The following MKX variants were observed in gnomAD, a reference collection of about 807,000 sequenced individuals.
The protein encoded by MKX is homeobox protein Mohawk.
Under a neutral mutation model 36.0 loss-of-function variants are expected in MKX, and 13 were observed. That is an observed-to-expected ratio of 0.36 (90% CI 0.24 to 0.57). MKX has a LOEUF of 0.57. Ranked by LOEUF, MKX falls within the 20% of genes least tolerant of loss-of-function variation. The probability of loss-of-function intolerance (pLI) is 0.79; values close to 1 mark genes in which losing one functional copy is unlikely to be tolerated. For synonymous variants in MKX, 176 were observed against 178.3 expected (o/e 0.99, Z 0.10); for missense variants, 458 against 456.4 (o/e 1.00, Z -0.03).
At chr10:27,697,254 C>A (rs1836571631) in intron 5 of MKX, among the ~76,000 whole-genome samples, 1 of 152,130 alleles carries the variant, frequency 6.6e-6, no homozygotes, top group Non-Finnish European at 1.5e-5. Context: ...AATCACATTA[C>A]AATGTATCTG....
At position 27,723,638 on chromosome 10, in the gene MKX, G is replaced by A. The variant is rs572461213; in HGVS notation, c.838+10818C>T. Among the ~76,000 whole-genome samples, 25 of 152,290 alleles carry A rather than the reference G, an allele frequency of 1.6e-4. No individual in the cohort carries two copies. In the South Asian group the frequency reaches 5.0e-3, roughly 30 times the overall value. ...AGGAATTTTATGTTTAGAAATGTAA[G>A]CCCCAGTAACATTTAAGGAATTCTC... On this transcript the variant is annotated intron_variant, in intron 5 of 6. Transcript: ENST00000419761.
chr10:27,682,579 G>A (rs977041767), intron 5 of MKX, among the ~76,000 whole-genome samples: 7 of 152,100 alleles, frequency 4.6e-5, no homozygotes, highest in Non-Finnish European at 2.9e-5. Flanking sequence ...TTGGCACCAG[G>A]GCCTGGTTTT....
At chr10:27,724,252 CA>C (rs1317414879) in intron 5 of MKX, among the ~76,000 whole-genome samples, 2 of 152,068 alleles carry the variant, frequency 1.3e-5, no homozygotes, top group Non-Finnish European at 2.9e-5. Context: ...ATCACTGTGT[CA>C]AAGATACTCA....
intron 5 of MKX, among the ~76,000 whole-genome samples, chr10:27,686,229 A>G (rs2815557): frequency 1.3e-5 from 2 of 151,826 alleles, no homozygotes; most frequent in African/African-American, 2.4e-5. Context: ...AACCCACCCC[A>G]TCTTCATGGA....
chr10:27,694,237 T>C (rs1289173345), intron 5 of MKX, among the ~76,000 whole-genome samples: 7 of 151,962 alleles, frequency 4.6e-5, no homozygotes, highest in Admixed American at 3.3e-4. Context: ...AGTTTTAAAA[T>C]AAACAACAGA....
At chr10:27,676,042 G>A (rs747298615) in intron 5 of MKX, among the ~76,000 whole-genome samples, 5 of 152,218 alleles carry the variant, frequency 3.3e-5, no homozygotes, top group Admixed American at 1.3e-4. Flanking sequence ...AGGCCAAGGC[G>A]GGGGATTGCT....
chr10:27,733,596 T>C (rs1227964624), intron 5 of MKX, among the ~76,000 whole-genome samples: 1 of 152,230 alleles, frequency 6.6e-6, no homozygotes, highest in Non-Finnish European at 1.5e-5. Flanking sequence ...CTGGTCTAGA[T>C]GTTTTCTGAG....
rs1834912961 is a variant in MKX, at chr10:27,742,152, G to T, written c.189-648C>A. On this transcript the variant is annotated intron_variant, in intron 2 of 6. Transcript: ENST00000419761. The surrounding 1 kb of genome is among the most constrained non-coding windows in gnomAD (Gnocchi z 4.2). ...CGGGCCGTTTCCCGACTAAGGGAGG[G>T]TTAAAAGTACGGCAAGCTCTGTCCC... Among the ~76,000 whole-genome samples the T allele has an allele frequency of 6.6e-6, 1 of 152,216 alleles. No homozygotes were observed. The highest frequency in any genetic ancestry group is 2.1e-4 in the South Asian group (1 of 4,834).
chr10:27,690,736 C>G (rs1836439218), intron 5 of MKX, among the ~76,000 whole-genome samples: 1 of 152,162 alleles, frequency 6.6e-6, no homozygotes, highest in Admixed American at 6.5e-5. Flanking sequence ...CTTTGTTAGC[C>G]AAGGGGCCAC....
At chr10:27,688,691 C>G (rs1836400934) in intron 5 of MKX, among the ~76,000 whole-genome samples, 1 of 152,184 alleles carries the variant, frequency 6.6e-6, no homozygotes, top group African/African-American at 2.4e-5. Flanking sequence ...TTTTTACATG[C>G]AGGTTGAGCT....
intron 5 of MKX, among the ~76,000 whole-genome samples, chr10:27,691,168 C>T (rs1485594845): frequency 6.6e-6 from 1 of 152,140 alleles, no homozygotes; most frequent in African/African-American, 2.4e-5. Context: ...AAAATATAGG[C>T]CTCTTACTTA....
At chr10:27,707,985 G>A (rs982870329) in intron 5 of MKX, among the ~76,000 whole-genome samples, 5 of 152,148 alleles carry the variant, frequency 3.3e-5, no homozygotes, top group African/African-American at 9.7e-5. Flanking sequence ...TTAAACCAAA[G>A]CCAACTTTGT....
chr10:27,743,133 C>A, intron 2 of MKX, 95 bp downstream of exon 2: 1 of 1,249,018 alleles, frequency 8.0e-7, no homozygotes, highest in Non-Finnish European at 1.0e-6. Context: ...CCTTTCCCGT[C>A]CACCCGCCCG....
At chr10:27,738,464 T>A (rs1436634551) in intron 3 of MKX, among the ~76,000 whole-genome samples, 1 of 152,016 alleles carries the variant, frequency 6.6e-6, no homozygotes, top group Non-Finnish European at 1.5e-5. Flanking sequence ...ATGAAACAGG[T>A]CTCCTTAACC....
chr10:27,685,323 C>A (rs897258538), intron 5 of MKX, among the ~76,000 whole-genome samples: 3 of 152,064 alleles, frequency 2.0e-5, no homozygotes, highest in African/African-American at 7.2e-5. Context: ...ACAAAGAGAC[C>A]AAAACCAGAT....
chr10:27,696,997 C>T (rs1294171580), intron 5 of MKX, among the ~76,000 whole-genome samples: 1 of 152,170 alleles, frequency 6.6e-6, no homozygotes, highest in Non-Finnish European at 1.5e-5. Flanking sequence ...AAAGTAACCA[C>T]GTGTTACCTA....
intron 5 of MKX, among the ~76,000 whole-genome samples, chr10:27,726,530 A>C (rs370312635): frequency 2.6e-4 from 39 of 152,236 alleles, no homozygotes; most frequent in African/African-American, 9.4e-4. Flanking sequence ...TTATTTGTCT[A>C]TCGGCTGTGC....
chr10:27,705,502 G>C (rs1836731797), intron 5 of MKX, among the ~76,000 whole-genome samples: 1 of 152,108 alleles, frequency 6.6e-6, no homozygotes, highest in African/African-American at 2.4e-5. Flanking sequence ...CTACAGGTGT[G>C]CACCACCATG....
rs564341823 is a variant in MKX, at chr10:27,720,621, A to G, written c.838+13835T>C. Among the ~76,000 whole-genome samples, 40 of 152,326 alleles carry G rather than the reference A, an allele frequency of 2.6e-4. No individual in the cohort carries two copies. In the South Asian group the frequency reaches 6.8e-3, roughly 26 times the overall value. On this transcript the variant is annotated intron_variant, in intron 5 of 6. Coordinates refer to ENST00000419761, the MANE Select transcript of MKX (RefSeq NM_173576.3). ...TGTGGTTGGGGAGATATCTTATTAAATAATCTAGGAATGGAAAGAGAATGC... is the reference window on the plus strand; with the variant it reads ...TGTGGTTGGGGAGATATCTTATTAAGTAATCTAGGAATGGAAAGAGAATGC...
Sources: gnomAD v4.1 joint callset for allele counts (sites outside exome capture counted in the v4.1 genomes callset) on GRCh38, gnomAD v4.1.1 for gene constraint, Gnocchi (gnomAD v3.1) non-coding constraint, MANE v1.5 for transcripts, NCBI Gene and HGNC (gene_info 2026-07-23, HGNC 2026-07-21) for gene names.